The following PRPF31 variants were observed in gnomAD, a reference collection of about 807,000 sequenced individuals.
PRPF31 encodes the protein U4/U6 small nuclear ribonucleoprotein Prp31.
PRPF31 carries 12 observed loss-of-function variants against 60.4 expected under a neutral mutation model. That is an observed-to-expected ratio of 0.20 (90% CI 0.13 to 0.32). The LOEUF (loss-of-function observed/expected upper bound fraction) is 0.32. Among genes scored for constraint, PRPF31 ranks in the 10% least tolerant of loss-of-function variants. PRPF31 has a pLI of 1.00. For synonymous variants in PRPF31, 287 were observed against 287.9 expected (o/e 1.00, Z 0.03); for missense variants, 431 against 687.1 (o/e 0.63, Z 4.17).
At chr19:54,123,430 C>T (rs2073841665) in intron 5 of PRPF31, 24 bp from the exon 6 acceptor site, 1 of 1,590,952 alleles carries the variant, frequency 6.3e-7, no homozygotes, top group African/African-American at 1.3e-5. Flanking sequence ...CCGAGCCTCC[C>T]CTATCTTCTC....
At chr19:54,117,502 G>C (rs1409126888) in intron 1 of PRPF31, among the ~76,000 whole-genome samples, 1 of 152,160 alleles carries the variant, frequency 6.6e-6, no homozygotes, top group East Asian at 1.9e-4. Context: ...ATCGCCTTGA[G>C]GTGATCTCTG....
chr19:54,127,843 G>A (rs758660391), intron 9 of PRPF31, among the ~76,000 whole-genome samples: 7 of 152,206 alleles, frequency 4.6e-5, no homozygotes, highest in Non-Finnish European at 1.0e-4. Flanking sequence ...GCCCCGTGGC[G>A]TGGACATTCT....
At chr19:54,126,659 C>G (rs1368604117) in intron 9 of PRPF31, 42 bp downstream of exon 9, 1 of 1,572,410 alleles carries the variant, frequency 6.4e-7, no homozygotes, top group Admixed American at 1.8e-5. Flanking sequence ...GTCTTTTCCT[C>G]TGGGCCTGGG....
Position 54,116,756 on chromosome 19 carries a change from A to G in PRPF31, c.-9+959A>G, listed in dbSNP as rs1304169664. ...CTAGAGTGGGGCGTGTGGGTCAGGG[A>G]GGTGGAACGTGAGAGCTGAAGGCTG... On this transcript the variant is annotated intron_variant, in intron 1 of 13. Coordinates refer to ENST00000321030, the MANE Select transcript of PRPF31 (RefSeq NM_015629.4). Among the ~76,000 whole-genome samples the G allele has an allele frequency of 2.0e-5, 3 of 152,296 alleles. No homozygotes were observed. The East Asian group carries it at 5.8e-4, about 29-fold the overall frequency.
intron 4 of PRPF31, 59 bp from the exon 5 acceptor site, chr19:54,122,438 C>A: frequency 1.5e-6 from 2 of 1,330,360 alleles, no homozygotes; most frequent in Non-Finnish European, 2.2e-6. Context: ...GGTGTTAGGG[C>A]CAACCAGCAG....
Position 54,129,367 on chromosome 19 carries a change from C to G in PRPF31, c.1371C>G (p.Leu457=). 1.3e-6 allele frequency: 2 copies of G among 1,594,790 alleles called. No individual in the cohort carries two copies. The highest frequency in any genetic ancestry group is 1.7e-6 in the Non-Finnish European group (2 of 1,171,890). Reference sequence around the variant, plus strand: ...CCTCCAGCGTGGCCTTCACCCCACTCCAGGTACCTCCCCTGGGCCGGCTCT... The same window carrying G: ...CCTCCAGCGTGGCCTTCACCCCACTGCAGGTACCTCCCCTGGGCCGGCTCT... ...GTASSVAFTP[L]QGLEIVNPQA... Residue 457 remains leucine (L), a synonymous_variant, in exon 13 of 14, where the codon CTC becomes CTG. Transcript: ENST00000321030.
intron 7 of PRPF31, 24 bp downstream of exon 7, chr19:54,123,942 T>C (rs779868004): frequency 8.1e-6 from 13 of 1,612,482 alleles, no homozygotes; most frequent in South Asian, 1.1e-5. Flanking sequence ...CTGGGTCCCA[T>C]GGAGCGGGGG....
chr19:54,126,703 C>A, intron 9 of PRPF31, 86 bp downstream of exon 9: 1 of 1,325,840 alleles, frequency 7.5e-7, no homozygotes, highest in East Asian at 2.5e-5. Flanking sequence ...GCAGGGAGCC[C>A]ACCCCAGCGA....
In PRPF31 at chr19:54,128,090, G is replaced by A. The variant is rs1188753034; in HGVS notation, c.963G>A (p.Lys321=). ...CTCCCCAGGTGGGCTACGAACTGAA[G>A]GATGAGATCGAGCGCAAATTCGACA... is the stretch of plus-strand genomic sequence containing the variant. ...STEGKVGYEL[K]DEIERKFDKW... Residue 321 remains lysine, a synonymous_variant, in exon 10 of 14, where the codon AAG becomes AAA. Coordinates refer to ENST00000321030, the MANE Select transcript of PRPF31 (RefSeq NM_015629.4). 1.3e-6 allele frequency: 2 copies of A among 1,548,950 alleles called. No individual in the cohort carries two copies. The highest frequency in any genetic ancestry group is 1.4e-5 in the African/African-American group (1 of 73,142).
At chr19:54,118,250 A>G in intron 1 of PRPF31, 21 bp from the exon 2 acceptor site, 1 of 1,612,132 alleles carries the variant, frequency 6.2e-7, no homozygotes. Context: ...GTTTTTAGGG[A>G]ACGCTGCTGT....
intron 7 of PRPF31, 23 bp downstream of exon 7, chr19:54,123,941 A>G (rs1326922427): frequency 6.2e-7 from 1 of 1,612,592 alleles, no homozygotes. Context: ...GCTGGGTCCC[A>G]TGGAGCGGGG....
intron 1 of PRPF31, among the ~76,000 whole-genome samples, chr19:54,117,100 A>C (rs2073663687): frequency 6.6e-6 from 1 of 151,976 alleles, no homozygotes; most frequent in Admixed American, 6.6e-5. Flanking sequence ...GTCTCAAAAA[A>C]AAGAAAAGAA....
intron 3 of PRPF31, among the ~76,000 whole-genome samples, chr19:54,120,853 G>T (rs1184830034): frequency 6.6e-6 from 1 of 152,060 alleles, no homozygotes; most frequent in African/African-American, 2.4e-5. Context: ...GGCTCAAGCA[G>T]TTCTCCTGCC....
At chr19:54,120,939 G>A (rs1415972344) in intron 3 of PRPF31, among the ~76,000 whole-genome samples, 13 of 152,098 alleles carry the variant, frequency 8.5e-5, no homozygotes, top group Non-Finnish European at 1.6e-4. Context: ...ACAAAGAAGC[G>A]TTTTCCAGAA....
chr19:54,125,935 C>T (rs2073911158), intron 8 of PRPF31, among the ~76,000 whole-genome samples: 1 of 152,232 alleles, frequency 6.6e-6, no homozygotes, highest in East Asian at 1.9e-4. Context: ...TCTTGTCACC[C>T]AGGCCTCTGC....
At chr19:54,129,861 C>G in intron 13 of PRPF31, among the ~76,000 whole-genome samples, 1 of 151,898 alleles carries the variant, frequency 6.6e-6, no homozygotes, top group East Asian at 2.0e-4. Context: ...CAGGGCGAGC[C>G]TGCACCACGG....
intron 5 of PRPF31, chr19:54,123,068 G>T: frequency 2.2e-6 from 1 of 461,440 alleles, no homozygotes; most frequent in Non-Finnish European, 4.0e-6. Flanking sequence ...GTGCGTGAGG[G>T]CGGGGAGAGG....
chr19:54,123,198 A>C (rs1206085166), intron 5 of PRPF31: 2 of 589,304 alleles, frequency 3.4e-6, no homozygotes, highest in African/African-American at 3.7e-5. Context: ...GTGAGGCCAC[A>C]GTCTTTCCAG....
chr19:54,123,921 G>GAGTCCC lies in PRPF31; in HGVS notation c.697+4_697+9dup. On this transcript the variant is annotated splice_donor_region_variant and intron_variant, in intron 7 of 13. Coordinates refer to ENST00000321030, the MANE Select transcript of PRPF31 (RefSeq NM_015629.4). ...ATCCACGGCCGCCAAGATCATGGGT[G>GAGTCCC]AGTCCCCGGGCTGGGTCCCATGGAG... 6.2e-7 allele frequency: 1 copy of GAGTCCC among 1,613,504 alleles called. No individual in the cohort carries two copies.
Sources: gnomAD v4.1 joint callset for allele counts (sites outside exome capture counted in the v4.1 genomes callset) on GRCh38, gnomAD v4.1.1 for gene constraint, MANE v1.5 for transcripts, NCBI Gene and HGNC (gene_info 2026-07-23, HGNC 2026-07-21) for gene names.